HPSE2: variants seen among roughly 807,000 people sequenced by gnomAD.
The protein encoded by HPSE2 is inactive heparanase-2.
In HPSE2, 38 loss-of-function variants were observed where a neutral mutation model predicts 60.5. The ratio of observed to expected loss-of-function variants is 0.63; its 90% CI spans 0.48 to 0.82. The LOEUF is 0.82. HPSE2 is among the 40% of genes least tolerant of loss of function. HPSE2 has a pLI of 0.00. For missense variants in HPSE2, 713 were observed against 740.4 expected, an observed-to-expected ratio of 0.96 and a Z score of 0.43; for synonymous variants, 295 against 293.2, an observed-to-expected ratio of 1.01 and a Z score of -0.06.
chr10:99,132,145 G>GAAA (rs1845413098), intron 3 of HPSE2, among the ~76,000 whole-genome samples: 1 of 23,960 alleles, frequency 4.2e-5, no homozygotes, highest in Non-Finnish European at 1.6e-4. Flanking sequence ...AAGAAAGAAA[G>GAAA]GAAGAAAGAA....
intron 3 of HPSE2, among the ~76,000 whole-genome samples, chr10:98,769,483 G>A (rs997299077): frequency 2.0e-5 from 3 of 152,286 alleles, no homozygotes; most frequent in South Asian, 2.1e-4. Context: ...GTTCCACTGA[G>A]CCTGTGATAA....
At chr10:98,817,974 C>T (rs1460352504) in intron 3 of HPSE2, among the ~76,000 whole-genome samples, 3 of 152,188 alleles carry the variant, frequency 2.0e-5, no homozygotes, top group Non-Finnish European at 4.4e-5. Context: ...CGGACCCATG[C>T]TATACCCAAA....
At chr10:99,226,689 C>T (rs753318532) in intron 2 of HPSE2, among the ~76,000 whole-genome samples, 1 of 151,866 alleles carries the variant, frequency 6.6e-6, no homozygotes, top group Non-Finnish European at 1.5e-5. Context: ...AAGTCACACT[C>T]AAGGGAAGAA....
the HPSE2 span, among the ~76,000 whole-genome samples, chr10:99,265,347 G>C: frequency 6.6e-6 from 1 of 152,278 alleles, no homozygotes; most frequent in African/African-American, 2.4e-5. Context: ...CTCACACAAA[G>C]CCTGTTGGTG....
chr10:98,536,862 T>C (rs966736825), intron 9 of HPSE2, among the ~76,000 whole-genome samples: 10 of 152,020 alleles, frequency 6.6e-5, no homozygotes, highest in Non-Finnish European at 1.3e-4. Context: ...TAAGTTCTGT[T>C]TGGCTGGAGA....
chr10:99,302,644 C>T, the HPSE2 span, among the ~76,000 whole-genome samples: 130,402 of 152,006 alleles, frequency 0.86, 56,316 homozygotes, highest in African/African-American at 0.93. Context: ...AAACTTTTTC[C>T]TCCCAAGGCT....
chr10:98,682,928 T>A (rs773082654), intron 6 of HPSE2, among the ~76,000 whole-genome samples: 5 of 152,080 alleles, frequency 3.3e-5, no homozygotes, highest in Non-Finnish European at 7.4e-5. Context: ...TCAAGCACAG[T>A]GAAGGCAGAG....
chr10:99,095,945 C>T (rs12570188), intron 3 of HPSE2, among the ~76,000 whole-genome samples: 2,500 of 152,144 alleles, frequency 0.016, 93 homozygotes, highest in East Asian at 0.14. Flanking sequence ...ATACAATGGA[C>T]GGTGGTCTTA....
At chr10:99,311,898 C>T in the HPSE2 span, among the ~76,000 whole-genome samples, 1 of 152,172 alleles carries the variant, frequency 6.6e-6, no homozygotes, top group Non-Finnish European at 1.5e-5. Context: ...CCAGTGAACA[C>T]ACAAATGATA....
intron 7 of HPSE2, among the ~76,000 whole-genome samples, chr10:98,623,749 G>A (rs1285703328): frequency 6.6e-6 from 1 of 152,112 alleles, no homozygotes; most frequent in Non-Finnish European, 1.5e-5. Flanking sequence ...AAATGTGTTA[G>A]TATTTTATAA....
At chr10:98,954,971 T>C (rs577363941) in intron 3 of HPSE2, among the ~76,000 whole-genome samples, 14 of 68,470 alleles carry the variant, frequency 2.0e-4, no homozygotes, top group South Asian at 5.9e-4. Flanking sequence ...TATATATATA[T>C]ACATATTTAT....
At chr10:99,085,626 G>A (rs1843289906) in intron 3 of HPSE2, among the ~76,000 whole-genome samples, 1 of 151,968 alleles carries the variant, frequency 6.6e-6, no homozygotes, top group South Asian at 2.1e-4. Flanking sequence ...AGTATTGAGA[G>A]AAGGTTAAAA....
chr10:98,877,916 A>G (rs1320858912), intron 3 of HPSE2, among the ~76,000 whole-genome samples: 1 of 151,920 alleles, frequency 6.6e-6, no homozygotes, highest in East Asian at 1.9e-4. Flanking sequence ...AGTCTTAGCC[A>G]AATGGATAAC....
At chr10:98,892,574 T>A (rs542274948) in intron 3 of HPSE2, among the ~76,000 whole-genome samples, 1 of 152,180 alleles carries the variant, frequency 6.6e-6, no homozygotes, top group Non-Finnish European at 1.5e-5. Context: ...CTCTCTATTA[T>A]CCTTTATAGA....
chr10:98,801,726 A>C (rs1393021789), intron 3 of HPSE2, among the ~76,000 whole-genome samples: 1 of 152,196 alleles, frequency 6.6e-6, no homozygotes, highest in Non-Finnish European at 1.5e-5. Flanking sequence ...TTCCATGTTC[A>C]TGGATTGGAA....
At chr10:98,601,288 A>G (rs1417472660) in intron 9 of HPSE2, among the ~76,000 whole-genome samples, 1 of 152,206 alleles carries the variant, frequency 6.6e-6, no homozygotes, top group Non-Finnish European at 1.5e-5. Flanking sequence ...AAATATCTAG[A>G]ATAATGTTTG....
chr10:98,614,986 T>G lies in HPSE2; in HGVS notation c.1238A>C (p.Gln413Pro). 1 of 1,614,038 alleles carries G rather than the reference T, an allele frequency of 6.2e-7. No individual in the cohort carries two copies. The highest frequency in any genetic ancestry group is 8.5e-7 in the Non-Finnish European group (1 of 1,179,904). ...GTGCCGTATCACGACATCAATGCCC[T>G]GATTGGCCAGCATTCCTAAAGTGTT... is the stretch of plus-strand genomic sequence containing the variant. ...WLNTLGMLAN[Q>P]GIDVVIRHSF... Residue 413 changes from glutamine to proline, a missense_variant, in exon 9 of 12, where the codon CAG (glutamine) becomes CCG (proline). Gln to Pro is a moderately conservative substitution (Grantham distance 76). Coordinates refer to ENST00000370552, the MANE Select transcript of HPSE2 (RefSeq NM_021828.5).
intron 9 of HPSE2, among the ~76,000 whole-genome samples, chr10:98,601,546 C>T (rs1422264970): frequency 1.3e-5 from 2 of 152,152 alleles, no homozygotes; most frequent in African/African-American, 4.8e-5. Context: ...ATGAGTGTGC[C>T]AGACTGCAAG....
intron 2 of HPSE2, among the ~76,000 whole-genome samples, chr10:99,171,270 C>T (rs1489384365): frequency 6.6e-6 from 1 of 152,188 alleles, no homozygotes; most frequent in East Asian, 1.9e-4. Context: ...TTTTAAACCA[C>T]ACTTGGTGGA....
Sources: gnomAD v4.1 joint callset for allele counts (sites outside exome capture counted in the v4.1 genomes callset) on GRCh38, gnomAD v4.1.1 for gene constraint, MANE v1.5 for transcripts, NCBI Gene and HGNC (gene_info 2026-07-23, HGNC 2026-07-21) for gene names.